Variants in CGNL1 observed in about 807,000 individuals in gnomAD.
CGNL1 encodes cingulin like 1.
Under a neutral mutation model 141.2 loss-of-function variants are expected in CGNL1, and 132 were observed. That is an observed-to-expected ratio of 0.93 (90% confidence interval 0.81 to 1.08). The LOEUF is 1.08. CGNL1 is among the 50% of genes least tolerant of loss of function. CGNL1 has a pLI of 0.00. For missense variants in CGNL1, 1,870 were observed against 1,588.6 expected, an observed-to-expected ratio of 1.18 and a Z score of -3.01; for synonymous variants, 690 against 622.1, an observed-to-expected ratio of 1.11 and a Z score of -1.63.
intron 8 of CGNL1, among the ~76,000 whole-genome samples, chr15:57,479,025 A>G (rs2063691176): frequency 6.6e-6 from 1 of 152,200 alleles, no homozygotes; most frequent in African/African-American, 2.4e-5. Flanking sequence ...ATCAATAGCT[A>G]GCTGCAAAGC....
chr15:57,507,672 A>G lies in CGNL1; in HGVS notation c.2404-9108A>G, dbSNP rs1035689382. ...CTACAAGTACGGCAGGTTAATGACCATAAGGAGAGAATGGCCCTCACCTCT... is the reference window on the plus strand; with the variant it reads ...CTACAAGTACGGCAGGTTAATGACCGTAAGGAGAGAATGGCCCTCACCTCT... On this transcript the variant is annotated intron_variant, in intron 8 of 18. Coordinates refer to ENST00000281282, the MANE Select transcript of CGNL1 (RefSeq NM_032866.5). Among the ~76,000 whole-genome samples the G allele has an allele frequency of 7.9e-5, 12 of 152,242 alleles. 1 individual carries two copies. The highest frequency in any genetic ancestry group is 7.2e-4 in the Admixed American group (11 of 15,290).
In CGNL1 at chr15:57,547,619, C is replaced by A. The variant is rs569448902; in HGVS notation, c.*129C>A. The A allele has an allele frequency of 2.0e-5, 21 of 1,070,866 alleles. No homozygotes were observed. The East Asian group carries it at 5.2e-4, about 26-fold the overall frequency. The allele number at this position is 1,070,866 out of a possible 1,614,324, so 66.3% of individuals were successfully genotyped here. On this transcript the variant is annotated 3_prime_UTR_variant, in exon 19 of 19. Coordinates refer to ENST00000281282, the MANE Select transcript of CGNL1 (RefSeq NM_032866.5). ...ACAGCCTCTTTGCACAGCATGCCAG[C>A]TCCTCAGTGTTACATTCCTCGCCAG...
intron 8 of CGNL1, among the ~76,000 whole-genome samples, chr15:57,501,000 A>T (rs551470145): frequency 2.0e-5 from 3 of 152,344 alleles, no homozygotes; most frequent in South Asian, 4.1e-4. Context: ...AGTATAGAAT[A>T]CATGTGTGGT....
At position 57,547,647 on chromosome 15, in the gene CGNL1, T is replaced by C; in HGVS notation, c.*157T>C. On this transcript the variant is annotated 3_prime_UTR_variant, in exon 19 of 19. Transcript: ENST00000281282. ...CTCAGTGTTACATTCCTCGCCAGGG[T>C]CTCTCAGTGGGTCTTCGACAGAGAG... 1.2e-6 allele frequency: 1 copy of C among 815,068 alleles called. No homozygotes were observed. The highest frequency in any genetic ancestry group is 1.9e-6 in the Non-Finnish European group (1 of 532,832). The allele number at this position is 815,068 out of a possible 1,614,324, so 50.5% of individuals were successfully genotyped here.
chr15:57,544,051 G>A (rs953739122), intron 15 of CGNL1, among the ~76,000 whole-genome samples: 12 of 152,156 alleles, frequency 7.9e-5, no homozygotes, highest in African/African-American at 2.9e-4. Context: ...AAGAATCCAC[G>A]TCATCAAACA....
In CGNL1 at chr15:57,418,489, G is replaced by A. The variant is rs574828527; in HGVS notation, c.-15-19496G>A. ...AGAAGCATGTTTCCTGGGGAAGGTT[G>A]GTCTACCATGGTTGCCCAGCTCTCT... is the stretch of plus-strand genomic sequence containing the variant. On this transcript the variant is annotated intron_variant, in intron 1 of 18. Transcript: ENST00000281282. Among the ~76,000 whole-genome samples the A allele has an allele frequency of 1.2e-4, 18 of 152,144 alleles. No individual in the cohort carries two copies. The South Asian group carries it at 3.1e-3, about 26-fold the overall frequency.
chr15:57,481,404 A>G (rs1426197634), intron 8 of CGNL1, among the ~76,000 whole-genome samples: 1 of 152,042 alleles, frequency 6.6e-6, no homozygotes, highest in Non-Finnish European at 1.5e-5. Flanking sequence ...AAATTTTATC[A>G]TTTCCAGGAT....
At chr15:57,542,432 A>G (rs113441718) in intron 14 of CGNL1, among the ~76,000 whole-genome samples, 3 of 152,302 alleles carry the variant, frequency 2.0e-5, no homozygotes, top group African/African-American at 7.2e-5. Flanking sequence ...CCTCCGCCTC[A>G]TAACTCATTT....
chr15:57,447,772 C>T (rs2063272719), intron 4 of CGNL1, among the ~76,000 whole-genome samples: 1 of 150,988 alleles, frequency 6.6e-6, no homozygotes, highest in African/African-American at 2.4e-5. Flanking sequence ...GATGGTGTTC[C>T]TCATATCTCT....
At chr15:57,503,343 T>C (rs1290707892) in intron 8 of CGNL1, among the ~76,000 whole-genome samples, 1 of 151,928 alleles carries the variant, frequency 6.6e-6, no homozygotes, top group Non-Finnish European at 1.5e-5. Flanking sequence ...ATCTTAGGGG[T>C]CAGGCTGGGG....
At chr15:57,419,232 C>T (rs1595683786) in intron 1 of CGNL1, among the ~76,000 whole-genome samples, 1 of 152,092 alleles carries the variant, frequency 6.6e-6, no homozygotes. Flanking sequence ...CCTGGCCTCC[C>T]TTTTCTTGAC....
chr15:57,438,401 C>T lies in CGNL1; in HGVS notation c.402C>T (p.Asp134=), dbSNP rs367656987. The T allele has an allele frequency of 1.7e-5, 27 of 1,614,064 alleles. No homozygotes were observed. The African/African-American group carries it at 2.4e-4, about 14-fold the overall frequency. ...AGAATGGAGTTCTAGATCGCAAAGA[C>T]GGGTCTGTGAAGCCATCTCACCTGC... ...EGKNGVLDRK[D]GSVKPSHLLN... Residue 134 remains aspartate (D), a synonymous_variant, in exon 2 of 19, where the codon GAC becomes GAT. Coordinates refer to ENST00000281282, the MANE Select transcript of CGNL1 (RefSeq NM_032866.5).
At chr15:57,429,132 C>A (rs1432161044) in intron 1 of CGNL1, among the ~76,000 whole-genome samples, 1 of 152,046 alleles carries the variant, frequency 6.6e-6, no homozygotes, top group African/African-American at 2.4e-5. Flanking sequence ...GTAGCGTGGT[C>A]TAATGGTATT....
intron 1 of CGNL1, among the ~76,000 whole-genome samples, chr15:57,427,495 G>A (rs2062988749): frequency 6.6e-6 from 1 of 152,204 alleles, no homozygotes. Context: ...GCATGGCATG[G>A]ACGCTTCCCC....
intron 8 of CGNL1, among the ~76,000 whole-genome samples, chr15:57,482,083 T>C (rs1174092286): frequency 3.3e-5 from 5 of 152,120 alleles, no homozygotes; most frequent in African/African-American, 1.2e-4. Context: ...TTCATGTCTT[T>C]TGCCCATTTC....
At position 57,546,226 on chromosome 15, in the gene CGNL1, A is replaced by G; in HGVS notation, c.3760A>G (p.Lys1254Glu). 6.3e-7 allele frequency: 1 copy of G among 1,585,934 alleles called. No homozygotes were observed. The highest frequency in any genetic ancestry group is 8.6e-7 in the Non-Finnish European group (1 of 1,165,970). Residue 1254 changes from lysine (K) to glutamate (E), a missense_variant, in exon 18 of 19, where the codon AAG becomes GAG. Physicochemically the swap from Lys to Glu is moderately conservative, Grantham distance 56 (BLOSUM62 1). Coordinates refer to ENST00000281282, the MANE Select transcript of CGNL1 (RefSeq NM_032866.5). ...TCTGCAGGGGCAGCTCAACTCCATGAAGAAGGACTTAAGGTGGGCAGGTGT... is the reference window on the plus strand; with the variant it reads ...TCTGCAGGGGCAGCTCAACTCCATGGAGAAGGACTTAAGGTGGGCAGGTGT... Reference protein sequence around the residue: ...EHLQGQLNSMKKDLRLKKLPS... With the variant: ...EHLQGQLNSMEKDLRLKKLPS...
At chr15:57,401,281 G>A (rs2062657786) in intron 1 of CGNL1, among the ~76,000 whole-genome samples, 3 of 152,116 alleles carry the variant, frequency 2.0e-5, no homozygotes, top group Admixed American at 2.0e-4. Flanking sequence ...TGAAGTGTTT[G>A]TATAATTCTT....
chr15:57,500,085 G>C (rs1567155680), intron 8 of CGNL1, among the ~76,000 whole-genome samples: 1 of 152,188 alleles, frequency 6.6e-6, no homozygotes, highest in Non-Finnish European at 1.5e-5. Context: ...GCAGTGACTG[G>C]ATGAGAACCT....
rs115761851 is a variant in CGNL1 at position 57,399,330 on chromosome 15, G to A, written c.-16+22763G>A. Among the ~76,000 whole-genome samples the A allele has an allele frequency of 6.3e-3, 960 of 152,112 alleles. 6 individuals are homozygous for A. Among genetic ancestry groups the A allele is most frequent in the African/African-American group, 0.022 (929 of 41,486 alleles). ...CCTACCCTCTTCTCTACCTTTCCTAGCCTCTAATAACCATGATTCCACTCT... is the reference window on the plus strand; with the variant it reads ...CCTACCCTCTTCTCTACCTTTCCTAACCTCTAATAACCATGATTCCACTCT... On this transcript the variant is annotated intron_variant, in intron 1 of 18. Coordinates refer to ENST00000281282, the MANE Select transcript of CGNL1 (RefSeq NM_032866.5).
Sources: gnomAD v4.1 joint callset for allele counts (sites outside exome capture counted in the v4.1 genomes callset) on GRCh38, gnomAD v4.1.1 for gene constraint, MANE v1.5 for transcripts, NCBI Gene and HGNC (gene_info 2026-07-23, HGNC 2026-07-21) for gene names.